Variants in DPP10 observed in about 807,000 individuals in gnomAD.
DPP10 encodes dipeptidyl peptidase like 10, also known as inactive dipeptidyl peptidase 10.
Under a neutral mutation model 120.9 loss-of-function variants are expected in DPP10, and 33 were observed. The ratio of observed to expected loss-of-function variants is 0.27; its 90% CI spans 0.21 to 0.37. The LOEUF (loss-of-function observed/expected upper bound fraction) is 0.37. Ranked by LOEUF, DPP10 falls within the 10% of genes least tolerant of loss-of-function variation. DPP10 has a pLI of 1.00. For missense variants in DPP10, 816 were observed against 942.8 expected, an observed-to-expected ratio of 0.87 and a Z score of 1.76; for synonymous variants, 337 against 326.1, an observed-to-expected ratio of 1.03 and a Z score of -0.36.
chr2:114,666,479 T>G (rs1334250031), intron 1 of DPP10, among the ~76,000 whole-genome samples: 1 of 152,194 alleles, frequency 6.6e-6, no homozygotes, highest in African/African-American at 2.4e-5. Flanking sequence ...GACCTATTAG[T>G]AGGAGCCATA....
chr2:115,258,688 A>G (rs1479718783), intron 1 of DPP10, among the ~76,000 whole-genome samples: 1 of 152,122 alleles, frequency 6.6e-6, no homozygotes, highest in Non-Finnish European at 1.5e-5. Flanking sequence ...TGGGAGGATC[A>G]CTTGAGGCCA....
At chr2:114,461,555 T>G in intron 1 of DPP10, 1 of 983,508 alleles carries the variant, frequency 1.0e-6, no homozygotes, top group South Asian at 4.7e-5. Flanking sequence ...CCTCCTTTTC[T>G]AAGACCAGCC....
At chr2:114,477,681 A>G (rs911516162) in intron 1 of DPP10, among the ~76,000 whole-genome samples, 12 of 151,064 alleles carry the variant, frequency 7.9e-5, no homozygotes, top group African/African-American at 2.7e-4. Flanking sequence ...GATACTCGGG[A>G]GGCTGAGGCA....
At chr2:115,244,723 C>G (rs2058452356) in intron 1 of DPP10, among the ~76,000 whole-genome samples, 1 of 151,388 alleles carries the variant, frequency 6.6e-6, no homozygotes, top group Non-Finnish European at 1.5e-5. Flanking sequence ...AGCATAGATT[C>G]TATATATACT....
At chr2:115,464,258 T>G (rs1297367594) in intron 3 of DPP10, among the ~76,000 whole-genome samples, 4 of 152,236 alleles carry the variant, frequency 2.6e-5, no homozygotes, top group Middle Eastern at 3.4e-3. Flanking sequence ...AGATTATTAG[T>G]TTTACATTAA....
At chr2:115,130,011 T>G (rs2050258104) in intron 1 of DPP10, among the ~76,000 whole-genome samples, 1 of 152,182 alleles carries the variant, frequency 6.6e-6, no homozygotes, top group Admixed American at 6.6e-5. Flanking sequence ...TTCTTTTTCC[T>G]TTCAGCAAGT....
intron 1 of DPP10, among the ~76,000 whole-genome samples, chr2:114,592,786 G>C (rs189208191): frequency 6.6e-6 from 1 of 152,032 alleles, no homozygotes; most frequent in Non-Finnish European, 1.5e-5. Context: ...CAAATTGAAG[G>C]TTCACAAAAA....
chr2:115,714,209 G>T (rs185805477), intron 7 of DPP10, among the ~76,000 whole-genome samples: 1 of 152,174 alleles, frequency 6.6e-6, no homozygotes, highest in African/African-American at 2.4e-5. Context: ...ACTCATATGG[G>T]AAAGGTGTTT....
chr2:115,543,135 A>G (rs1349467834), intron 5 of DPP10, among the ~76,000 whole-genome samples: 2 of 151,992 alleles, frequency 1.3e-5, no homozygotes, highest in South Asian at 2.1e-4. Flanking sequence ...GAACAGAGAT[A>G]GCACCTCGTA....
At chr2:114,738,523 AGGGGAGCACTAGCCTGTGT>A (rs575610740) in intron 1 of DPP10, among the ~76,000 whole-genome samples, 108 of 152,246 alleles carry the variant, frequency 7.1e-4, no homozygotes, top group African/African-American at 2.2e-3. Context: ...AGTGGCTCAA[AGGGGAGCACTAGCCTGTGT>A]GGGGAGCACT....
At chr2:114,474,603 A>C (rs760176849) in intron 1 of DPP10, among the ~76,000 whole-genome samples, 5 of 152,164 alleles carry the variant, frequency 3.3e-5, no homozygotes, top group South Asian at 2.1e-4. Context: ...TCCTTTAAAG[A>C]GAGAGGGAAA....
chr2:115,822,156 T>C (rs1160601374), intron 21 of DPP10, among the ~76,000 whole-genome samples: 3 of 152,020 alleles, frequency 2.0e-5, no homozygotes, highest in Non-Finnish European at 4.4e-5. Context: ...TATTGCTTCA[T>C]ATAGGTATAT....
intron 1 of DPP10, among the ~76,000 whole-genome samples, chr2:115,063,616 G>A (rs1357150642): frequency 6.6e-6 from 1 of 152,118 alleles, no homozygotes; most frequent in South Asian, 2.1e-4. Context: ...AAGATTGCAT[G>A]TCTATAACCA....
At chr2:115,774,985 A>G (rs1442290554) in intron 13 of DPP10, among the ~76,000 whole-genome samples, 4 of 152,172 alleles carry the variant, frequency 2.6e-5, no homozygotes, top group Non-Finnish European at 5.9e-5. Context: ...TGCACAAATA[A>G]CAACATTTAA....
At chr2:115,801,617 A>C (rs148843195) in intron 19 of DPP10, among the ~76,000 whole-genome samples, 3 of 152,098 alleles carry the variant, frequency 2.0e-5, no homozygotes, top group Non-Finnish European at 1.5e-5. Flanking sequence ...ATCTATACCT[A>C]GTTTATTAAG....
chr2:115,398,071 C>T (rs922211254), intron 3 of DPP10, among the ~76,000 whole-genome samples: 2 of 152,070 alleles, frequency 1.3e-5, no homozygotes, highest in South Asian at 2.1e-4. Context: ...ATCACACAAA[C>T]AGCTGCATAT....
chr2:114,781,862 G>T (rs901332642), intron 1 of DPP10, among the ~76,000 whole-genome samples: 2 of 152,096 alleles, frequency 1.3e-5, no homozygotes, highest in African/African-American at 4.8e-5. Context: ...AGGGCCATCT[G>T]CATTTGTCTC....
chr2:114,811,056 T>A (rs2106321841), intron 1 of DPP10, among the ~76,000 whole-genome samples: 1 of 152,302 alleles, frequency 6.6e-6, no homozygotes, highest in East Asian at 1.9e-4. Context: ...AGAGATTTCT[T>A]CTAAGGCAGA....
intron 19 of DPP10, among the ~76,000 whole-genome samples, chr2:115,796,799 T>C (rs1365371141): frequency 6.6e-6 from 1 of 152,064 alleles, no homozygotes; most frequent in African/African-American, 2.4e-5. Flanking sequence ...CTTATAGAAA[T>C]CATCCAAGGT....
Sources: allele counts gnomAD v4.1 joint callset (sites outside exome capture counted in the v4.1 genomes callset), GRCh38; gene constraint gnomAD v4.1.1; transcripts MANE v1.5; gene names NCBI Gene and HGNC (gene_info 2026-07-23, HGNC 2026-07-21).